Variants in SRBD1 observed in about 807,000 individuals in gnomAD.
The protein encoded by SRBD1 is S1 RNA binding domain 1.
A neutral mutation model predicts 115.3 loss-of-function variants in SRBD1; 88 were observed. That is an observed-to-expected ratio of 0.76 (90% CI 0.64 to 0.91). SRBD1 has a LOEUF of 0.91. SRBD1 is among the 40% of genes least tolerant of loss of function. SRBD1 has a pLI of 0.00. For missense variants in SRBD1, 1,385 were observed against 1,177.4 expected, an observed-to-expected ratio of 1.18 and a Z score of -2.58; for synonymous variants, 509 against 407.7, an observed-to-expected ratio of 1.25 and a Z score of -2.99.
rs928260887 is a variant in SRBD1, at chr2:45,488,860, G to GA, written c.1875-530dup. Among the ~76,000 whole-genome samples the GA allele has an allele frequency of 1.7e-3, 238 of 142,832 alleles. 2 individuals carry two copies. The East Asian group carries it at 0.027, about 16-fold the overall frequency. The allele number at this position is 142,832 out of a possible 152,430, so 93.7% of individuals were successfully genotyped here. A position where few individuals can be genotyped will look rare whatever the true frequency, so the allele number is the denominator to read the frequency against. On this transcript the variant is annotated intron_variant, in intron 14 of 20. Coordinates refer to ENST00000263736, the MANE Select transcript of SRBD1 (RefSeq NM_018079.5). ...TGGTTATAATTAACAACCACAACAT[G>GA]AAAAAAAAAAAGGGATCAGACAGGA... is the stretch of plus-strand genomic sequence containing the variant.
At chr2:45,539,666 C>G (rs1475626693) in intron 14 of SRBD1, among the ~76,000 whole-genome samples, 1 of 152,164 alleles carries the variant, frequency 6.6e-6, no homozygotes, top group African/African-American at 2.4e-5. Flanking sequence ...GAAAAAAACT[C>G]AAGCCGAGAA....
At chr2:45,435,867 T>G (rs1668481630) in intron 16 of SRBD1, among the ~76,000 whole-genome samples, 1 of 152,220 alleles carries the variant, frequency 6.6e-6, no homozygotes, top group Admixed American at 6.5e-5. Flanking sequence ...TCTATAATCT[T>G]TTCCAGAAAA....
At chr2:45,510,426 T>C (rs1282512254) in intron 14 of SRBD1, among the ~76,000 whole-genome samples, 1 of 152,202 alleles carries the variant, frequency 6.6e-6, no homozygotes, top group Non-Finnish European at 1.5e-5. Flanking sequence ...GAAAGCTATG[T>C]TTTTCTCACA....
chr2:45,409,149 G>A (rs1429245082), intron 19 of SRBD1, among the ~76,000 whole-genome samples: 1 of 152,118 alleles, frequency 6.6e-6, no homozygotes. Context: ...TTGAGCTCAG[G>A]AGGTTGAGGC....
At chr2:45,606,157 C>CTTTTT (rs71394845) in intron 1 of SRBD1, among the ~76,000 whole-genome samples, 1 of 116,770 alleles carries the variant, frequency 8.6e-6, no homozygotes, top group Non-Finnish European at 1.8e-5. Context: ...TTTTCCTATT[C>CTTTTT]TTTTTTTTTT....
At chr2:45,521,444 C>T (rs950982018) in intron 14 of SRBD1, among the ~76,000 whole-genome samples, 4 of 151,562 alleles carry the variant, frequency 2.6e-5, no homozygotes, top group African/African-American at 9.7e-5. Context: ...AAGTCAAAAC[C>T]AAAATGAGAT....
intron 16 of SRBD1, among the ~76,000 whole-genome samples, chr2:45,470,592 G>T (rs1456589683): frequency 3.9e-5 from 6 of 152,112 alleles, no homozygotes; most frequent in African/African-American, 9.7e-5. Context: ...GTCCAAAGAA[G>T]AAAAAATTAT....
intron 7 of SRBD1, among the ~76,000 whole-genome samples, chr2:45,577,950 G>A (rs1373738610): frequency 6.6e-6 from 1 of 152,138 alleles, no homozygotes; most frequent in Middle Eastern, 3.2e-3. Flanking sequence ...CAGTACTACT[G>A]TAACTGTGCT....
intron 19 of SRBD1, among the ~76,000 whole-genome samples, chr2:45,409,247 T>A (rs1191875040): frequency 1.3e-5 from 2 of 151,776 alleles, no homozygotes; most frequent in African/African-American, 4.8e-5. Flanking sequence ...ATTCTCCCCC[T>A]CCCCCCAAAA....
At chr2:45,419,732 C>T in intron 17 of SRBD1, 56 bp downstream of exon 17, 1 of 1,513,780 alleles carries the variant, frequency 6.6e-7, no homozygotes, top group South Asian at 1.1e-5. Flanking sequence ...CGAGTTTGGA[C>T]TGGACAGCCA....
chr2:45,516,820 T>C (rs1230700618), intron 14 of SRBD1, among the ~76,000 whole-genome samples: 2 of 152,176 alleles, frequency 1.3e-5, no homozygotes, highest in East Asian at 1.9e-4. Context: ...TTTGTTAATA[T>C]AAATAAAAGA....
chr2:45,606,010 G>A (rs1286992855), intron 1 of SRBD1, among the ~76,000 whole-genome samples: 1 of 151,804 alleles, frequency 6.6e-6, no homozygotes, highest in African/African-American at 2.4e-5. Flanking sequence ...CCTACAGGGT[G>A]ACACCTGTAG....
Position 45,413,132 on chromosome 2 carries a change from G to C in SRBD1, c.2495C>G (p.Ser832Ter). Residue 832 changes from serine (S) to a stop codon, truncating the protein, a stop_gained, in exon 19 of 21, where the codon TCA becomes TGA. Coordinates refer to ENST00000263736, the MANE Select transcript of SRBD1 (RefSeq NM_018079.5). LOFTEE classifies it high-confidence loss of function. ...PLDQTCIHPE[S>*]YDIAMRFLSS... is the part of the protein sequence containing the mutation. The stretch of plus-strand genomic sequence containing the variant: ...GACTTACCTCATTGCTATGTCATAT[G>C]ATTCTGGATGAATACAAGTTTGGTC... The C allele has an allele frequency of 1.2e-6, 2 of 1,613,858 alleles. No homozygotes were observed. The highest frequency in any genetic ancestry group is 8.5e-7 in the Non-Finnish European group (1 of 1,179,904).
intron 16 of SRBD1, among the ~76,000 whole-genome samples, chr2:45,425,360 A>G (rs555269267): frequency 1.3e-5 from 2 of 152,202 alleles, no homozygotes; most frequent in Non-Finnish European, 2.9e-5. Context: ...ATCTTCATAT[A>G]TAAGATTTTT....
chr2:45,405,686 C>T (rs1455196912), intron 19 of SRBD1, among the ~76,000 whole-genome samples: 1 of 151,846 alleles, frequency 6.6e-6, no homozygotes, highest in Non-Finnish European at 1.5e-5. Flanking sequence ...GAAAGAGAAA[C>T]CAGAGACAAC....
chr2:45,507,552 T>C (rs894609357), intron 14 of SRBD1, among the ~76,000 whole-genome samples: 1 of 151,790 alleles, frequency 6.6e-6, no homozygotes, highest in Non-Finnish European at 1.5e-5. Context: ...AAACCCCATT[T>C]CTACTAAAAA....
chr2:45,598,624 G>A (rs537783810), intron 4 of SRBD1, among the ~76,000 whole-genome samples: 12 of 151,736 alleles, frequency 7.9e-5, no homozygotes, highest in African/African-American at 2.4e-4. Context: ...AAAAAATTAC[G>A]TTTTACTAAG....
chr2:45,507,097 C>G (rs907212171), intron 14 of SRBD1, among the ~76,000 whole-genome samples: 6 of 152,160 alleles, frequency 3.9e-5, no homozygotes, highest in African/African-American at 1.4e-4. Context: ...AGGTCTGATG[C>G]TGTTGTCAAG....
chr2:45,591,013 CAA>C (rs777304180), intron 4 of SRBD1, among the ~76,000 whole-genome samples: 1 of 130,430 alleles, frequency 7.7e-6, no homozygotes. Context: ...GTGAAACTCT[CAA>C]AAAAAAAAAA....
Sources: gnomAD v4.1 joint callset for allele counts (sites outside exome capture counted in the v4.1 genomes callset) on GRCh38, gnomAD v4.1.1 for gene constraint, MANE v1.5 for transcripts, NCBI Gene and HGNC (gene_info 2026-07-23, HGNC 2026-07-21) for gene names.